Variants in CAMKMT observed in about 807,000 individuals in gnomAD.
The protein encoded by CAMKMT is CaM KMT.
In CAMKMT, 53 loss-of-function variants were observed where a neutral mutation model predicts 48.0. The ratio of observed to expected loss-of-function variants is 1.10; its 90% CI spans 0.89 to 1.39. The LOEUF (loss-of-function observed/expected upper bound fraction) is 1.39. Among genes scored for constraint, CAMKMT ranks in the 40% most tolerant of loss-of-function variants. The probability of loss-of-function intolerance (pLI) is 0.00; values close to 1 mark genes in which losing one functional copy is unlikely to be tolerated. For missense variants in CAMKMT, 428 were observed against 402.7 expected, an observed-to-expected ratio of 1.06 and a Z score of -0.54; for synonymous variants, 165 against 152.3, an observed-to-expected ratio of 1.08 and a Z score of -0.61.
chr2:44,685,677 T>C (rs1014048360), intron 3 of CAMKMT, among the ~76,000 whole-genome samples: 1 of 152,178 alleles, frequency 6.6e-6, no homozygotes, highest in African/African-American at 2.4e-5. Flanking sequence ...GGGGAAATAA[T>C]GACCTCTGAC....
chr2:44,415,240 G>C (rs932796159), intron 3 of CAMKMT, among the ~76,000 whole-genome samples: 1 of 152,208 alleles, frequency 6.6e-6, no homozygotes, highest in Non-Finnish European at 1.5e-5. Context: ...ATGTACAACT[G>C]AGTTACTAAA....
At chr2:44,522,613 G>T (rs1353058217) in intron 3 of CAMKMT, among the ~76,000 whole-genome samples, 3 of 152,144 alleles carry the variant, frequency 2.0e-5, no homozygotes, top group Non-Finnish European at 4.4e-5. Context: ...GTCATTGAGG[G>T]TTTTACAGCC....
chr2:44,551,763 T>A (rs1249079540), intron 3 of CAMKMT, among the ~76,000 whole-genome samples: 1 of 152,206 alleles, frequency 6.6e-6, no homozygotes, highest in East Asian at 1.9e-4. Context: ...AGTGAAGCAC[T>A]GTACTAAGTG....
intron 3 of CAMKMT, among the ~76,000 whole-genome samples, chr2:44,668,270 C>T (rs1435497430): frequency 2.0e-5 from 3 of 152,178 alleles, no homozygotes; most frequent in Middle Eastern, 3.2e-3. Flanking sequence ...TGTCGTGTCT[C>T]CTCCTTTTCC....
chr2:44,521,322 AGGCTGGAGTGCAGT>A (rs556589086), intron 3 of CAMKMT, among the ~76,000 whole-genome samples: 233 of 152,116 alleles, frequency 1.5e-3, no homozygotes, highest in African/African-American at 5.4e-3. Flanking sequence ...CTCTGTTGCC[AGGCTGGAGTGCAGT>A]GGCACAATCT....
chr2:44,454,572 G>T (rs1216556002), intron 3 of CAMKMT, among the ~76,000 whole-genome samples: 1 of 152,142 alleles, frequency 6.6e-6, no homozygotes, highest in Non-Finnish European at 1.5e-5. Context: ...GAACTTAAAA[G>T]TTAGCTTTGC....
rs774436960 is a variant in CAMKMT at position 44,707,413 on chromosome 2, A to C, written c.507A>C (p.Ala169=). 16 of 1,612,360 alleles carry C rather than the reference A, an allele frequency of 9.9e-6. 1 individual carries two copies. The highest frequency in any genetic ancestry group is 1.2e-5 in the Non-Finnish European group (14 of 1,179,164). ...TTTTTTTTCAGGTTGCTATTTCTGC[A>C]GATGTCAAAGAAGTTCTGTTAACTG... ...CLAGLMVAIS[A]DVKEVLLTDG... The change falls in exon 6 of 11, where the codon GCA becomes GCC. Residue 169 remains alanine (A), a synonymous_variant. Transcript: ENST00000378494.
intron 3 of CAMKMT, chr2:44,631,703 A>C: frequency 5.1e-6 from 2 of 393,240 alleles, no homozygotes; most frequent in Non-Finnish European, 9.0e-6. Flanking sequence ...AACTGAATTT[A>C]ATTATTGATA....
At chr2:44,617,188 A>G (rs973501710) in intron 3 of CAMKMT, among the ~76,000 whole-genome samples, 8 of 152,240 alleles carry the variant, frequency 5.3e-5, no homozygotes, top group Non-Finnish European at 8.8e-5. Flanking sequence ...TTCATCTGCT[A>G]TGTGGTGAGA....
At chr2:44,405,099 C>A (rs1354030615) in intron 3 of CAMKMT, among the ~76,000 whole-genome samples, 2 of 152,004 alleles carry the variant, frequency 1.3e-5, no homozygotes, top group African/African-American at 2.4e-5. Flanking sequence ...TATTTTCTAT[C>A]TCTATGTTTT....
chr2:44,678,118 G>T (rs1675818013), intron 3 of CAMKMT, among the ~76,000 whole-genome samples: 1 of 152,032 alleles, frequency 6.6e-6, no homozygotes, highest in Non-Finnish European at 1.5e-5. Flanking sequence ...CTGGGTTGCT[G>T]CGTTTCCGAA....
chr2:44,459,155 T>C (rs1193037549), intron 3 of CAMKMT, among the ~76,000 whole-genome samples: 2 of 152,170 alleles, frequency 1.3e-5, no homozygotes, highest in Non-Finnish European at 1.5e-5. Flanking sequence ...CTCAGAATTA[T>C]AGTTGTAAGC....
chr2:44,747,381 C>G (rs750823155), intron 8 of CAMKMT, among the ~76,000 whole-genome samples: 7 of 152,088 alleles, frequency 4.6e-5, no homozygotes, highest in African/African-American at 1.7e-4. Context: ...TCACAACTCA[C>G]GGAAGTTTAC....
Position 44,516,896 on chromosome 2 carries a change from C to A in CAMKMT, c.376+126591C>A, listed in dbSNP as rs146364216. Among the ~76,000 whole-genome samples the A allele has an allele frequency of 6.5e-3, 991 of 152,142 alleles. 12 individuals carry two copies. The highest frequency in any genetic ancestry group is 0.023 in the African/African-American group (942 of 41,506). Reference sequence around the variant, plus strand: ...AGCAGGGATTACAGGCATGTGCCACCACGCCCAGCTAATTTTTGTACTTTT... The same window carrying A: ...AGCAGGGATTACAGGCATGTGCCACAACGCCCAGCTAATTTTTGTACTTTT... On this transcript the variant is annotated intron_variant, in intron 3 of 10. Coordinates refer to ENST00000378494, the MANE Select transcript of CAMKMT (RefSeq NM_024766.5).
At chr2:44,553,519 C>G (rs996798298) in intron 3 of CAMKMT, among the ~76,000 whole-genome samples, 1 of 152,134 alleles carries the variant, frequency 6.6e-6, no homozygotes, top group African/African-American at 2.4e-5. Flanking sequence ...GGCCACCACA[C>G]CCCACTAATT....
chr2:44,500,339 T>C (rs922615323), intron 3 of CAMKMT, among the ~76,000 whole-genome samples: 1 of 152,216 alleles, frequency 6.6e-6, no homozygotes, highest in Non-Finnish European at 1.5e-5. Flanking sequence ...GCTTGTCTTA[T>C]TTAAAATATG....
At chr2:44,426,529 T>C (rs965507021) in intron 3 of CAMKMT, among the ~76,000 whole-genome samples, 4 of 152,182 alleles carry the variant, frequency 2.6e-5, no homozygotes, top group Admixed American at 6.5e-5. Flanking sequence ...TCTGTAGCAT[T>C]TCTATGTACC....
intron 3 of CAMKMT, among the ~76,000 whole-genome samples, chr2:44,449,618 T>C (rs976817919): frequency 1.3e-5 from 2 of 152,194 alleles, no homozygotes; most frequent in African/African-American, 4.8e-5. Context: ...CTTTAGACTT[T>C]ACTCTGCCCA....
rs143654312 is a variant in CAMKMT, at chr2:44,604,482, G to A, written c.377-99801G>A. On this transcript the variant is annotated intron_variant, in intron 3 of 10. Transcript: ENST00000378494. ...CCATGTAGTAGGGTAATTCAGAGTCGGAAGATTTTCAACATATTGGAGGAA... is the reference window on the plus strand; with the variant it reads ...CCATGTAGTAGGGTAATTCAGAGTCAGAAGATTTTCAACATATTGGAGGAA... Among the ~76,000 whole-genome samples, 217 of 151,122 alleles carry A rather than the reference G, an allele frequency of 1.4e-3. 2 individuals carry two copies. Among genetic ancestry groups the A allele is most frequent in the African/African-American group, 4.8e-3 (197 of 41,196 alleles).
Sources: allele counts gnomAD v4.1 joint callset (sites outside exome capture counted in the v4.1 genomes callset), GRCh38; gene constraint gnomAD v4.1.1; transcripts MANE v1.5; gene names NCBI Gene and HGNC (gene_info 2026-07-23, HGNC 2026-07-21).